The following TRPV4 variants were observed in gnomAD, a reference collection of about 807,000 sequenced individuals.
TRPV4 encodes transient receptor potential cation channel subfamily V member 4.
In TRPV4, 58 loss-of-function variants were observed where a neutral mutation model predicts 84.1. That is an observed-to-expected ratio of 0.69 (90% CI 0.56 to 0.86). TRPV4 has a LOEUF of 0.86. Ranked by LOEUF, TRPV4 falls within the 40% of genes least tolerant of loss-of-function variation. TRPV4 has a pLI of 0.00. For missense variants in TRPV4, 879 were observed against 1,181.1 expected, an observed-to-expected ratio of 0.74 and a Z score of 3.75; for synonymous variants, 489 against 500.9, an observed-to-expected ratio of 0.98 and a Z score of 0.32.
At position 109,783,438 on chromosome 12, in the gene TRPV4, C is replaced by A. The variant is rs978196241; in HGVS notation, c.*183G>T. 10 of 764,548 alleles carry A rather than the reference C, an allele frequency of 1.3e-5. No individual in the cohort carries two copies. The highest frequency in any genetic ancestry group is 2.0e-5 in the Non-Finnish European group (10 of 495,558). 47.4% of individuals were successfully genotyped at this position (764,548 alleles called of 1,614,324 possible). ...GGAGCAAGACAGGTGGCCGGGAGCC[C>A]CCACCCCAGGGTGGGGAGGCAGAGC... On this transcript the variant is annotated 3_prime_UTR_variant, in exon 16 of 16. Coordinates refer to ENST00000261740, the MANE Select transcript of TRPV4 (RefSeq NM_021625.5). This position sits in a 1 kb window ranked among gnomAD's most constrained non-coding sequence, Gnocchi z 4.6.
Position 109,798,797 on chromosome 12 carries a change from TGTGTTGCCTCGCGA to T in TRPV4, c.955_968del (p.Arg320AlafsTer9). 2.5e-6 allele frequency: 4 copies of T among 1,614,210 alleles called. No individual in the cohort carries two copies. The highest frequency in any genetic ancestry group is 3.4e-6 in the Non-Finnish European group (4 of 1,180,042). The stretch of plus-strand genomic sequence containing the variant: ...CAATGGCCACCAGCGCATGCAGCAC[TGTGTTGCCTCGCGA>T]GTCCTGGCGCCGCATGTCCGCCTTC... On this transcript the variant is annotated frameshift_variant, in exon 6 of 16. Coordinates refer to ENST00000261740, the MANE Select transcript of TRPV4 (RefSeq NM_021625.5). LOFTEE classifies it high-confidence loss of function. The surrounding 1 kb of genome is among the most constrained non-coding windows in gnomAD (Gnocchi z 5.0).
At chr12:109,812,576 CAAA>C (rs1297175478) in intron 2 of TRPV4, among the ~76,000 whole-genome samples, 1 of 151,848 alleles carries the variant, frequency 6.6e-6, no homozygotes, top group Admixed American at 6.6e-5. Flanking sequence ...ACTAAGCAAA[CAAA>C]AGAGTGAATG....
At chr12:109,797,886 G>A (rs1158357103) in intron 6 of TRPV4, among the ~76,000 whole-genome samples, 1 of 152,042 alleles carries the variant, frequency 6.6e-6, no homozygotes, top group Non-Finnish European at 1.5e-5. Context: ...CACACCAGAG[G>A]ACACTCTTAT....
chr12:109,807,208 G>A (rs144816007), intron 3 of TRPV4, among the ~76,000 whole-genome samples: 5,363 of 151,110 alleles, frequency 0.035, 110 homozygotes, highest in East Asian at 0.057. Flanking sequence ...CCCAGGAGGC[G>A]GAGGTTGCAG....
intron 1 of TRPV4, chr12:109,832,624 G>T: frequency 6.5e-6 from 1 of 153,116 alleles, no homozygotes. Context: ...AATCCCAATT[G>T]TCTAGATCCC....
Position 109,788,403 on chromosome 12 carries a change from C to A in TRPV4, c.2205G>T (p.Leu735=), listed in dbSNP as rs774319875. The A allele has an allele frequency of 2.5e-6, 4 of 1,613,422 alleles. No individual in the cohort carries two copies. The highest frequency in any genetic ancestry group is 1.1e-5 in the South Asian group (1 of 91,022). ...GCTGGGGGCCCTGGGGCCTCACCTG[C>A]AGCTTCCAGATGTGCTTGCTCTCCT... The part of the protein sequence containing the change: ...VSKESKHIWK[L]QWATTILDIE... The change falls in exon 13 of 16, where the codon CTG becomes CTT. Residue 735 remains leucine (L), a synonymous_variant. Transcript: ENST00000261740.
At position 109,783,652 on chromosome 12, in the gene TRPV4, CG is replaced by C. The variant is rs746597270; in HGVS notation, c.2584del (p.Arg862AlafsTer25). 1.9e-5 allele frequency: 30 copies of C among 1,613,652 alleles called. No homozygotes were observed. Among genetic ancestry groups the C allele is most frequent in the Non-Finnish European group, 2.5e-5 (29 of 1,179,970 alleles). On this transcript the variant is annotated frameshift_variant, in exon 16 of 16. Coordinates refer to ENST00000261740, the MANE Select transcript of TRPV4 (RefSeq NM_021625.5). LOFTEE classifies it high-confidence loss of function. This position sits in a 1 kb window ranked among gnomAD's most constrained non-coding sequence, Gnocchi z 4.6. ...RCDGHQQGYP[R>X]KWRTDDAPL ...CGGGGCGTCATCAGTCCTCCACTTG[CG>C]GGGGTAACCCTGCTGGTGGCCATCG...
intron 5 of TRPV4, among the ~76,000 whole-genome samples, chr12:109,799,874 C>A (rs1890661965): frequency 6.6e-6 from 1 of 152,182 alleles, no homozygotes; most frequent in Non-Finnish European, 1.5e-5. Context: ...GATCCTCCAG[C>A]CTCGGCCTCC....
At chr12:109,784,026 TCG>T in intron 15 of TRPV4, among the ~76,000 whole-genome samples, 1 of 152,262 alleles carries the variant, frequency 6.6e-6, no homozygotes, top group Admixed American at 6.5e-5. Flanking sequence ...CAGCTGCGTC[TCG>T]CGTGCTCATG....
At chr12:109,808,242 G>A (rs976795999) in intron 3 of TRPV4, 54 bp downstream of exon 3, 3 of 1,605,910 alleles carry the variant, frequency 1.9e-6, no homozygotes, top group African/African-American at 1.3e-5. Flanking sequence ...CCAATGCCAG[G>A]CTTCCCCCAC....
In TRPV4 at chr12:109,814,397, C is replaced by T. The variant is rs1327605836; in HGVS notation, c.386+14G>A. On this transcript the variant is annotated intron_variant, in intron 2 of 15. Transcript: ENST00000261740. The surrounding 1 kb of genome is among the most constrained non-coding windows in gnomAD (Gnocchi z 5.4). ...GAGGAGGAGACCACAGGCCAGGAAGCTAACAATACTCACTCTATGATCTTC... is the reference window on the plus strand; with the variant it reads ...GAGGAGGAGACCACAGGCCAGGAAGTTAACAATACTCACTCTATGATCTTC... The T allele has an allele frequency of 7.4e-6, 12 of 1,613,286 alleles. No individual in the cohort carries two copies. Among genetic ancestry groups the T allele is most frequent in the Non-Finnish European group, 1.0e-5 (12 of 1,179,774 alleles).
intron 1 of TRPV4, among the ~76,000 whole-genome samples, chr12:109,821,177 G>C (rs192154494): frequency 6.6e-6 from 1 of 152,272 alleles, no homozygotes; most frequent in African/African-American, 2.4e-5. Flanking sequence ...CAGCGGGGAG[G>C]AATCCAGGGA....
At chr12:109,805,776 A>G (rs1891081650) in intron 3 of TRPV4, among the ~76,000 whole-genome samples, 1 of 152,176 alleles carries the variant, frequency 6.6e-6, no homozygotes, top group Non-Finnish European at 1.5e-5. Flanking sequence ...AATTTCAGAG[A>G]CCCACCTCCA....
intron 1 of TRPV4, among the ~76,000 whole-genome samples, chr12:109,818,821 C>G (rs1891972663): frequency 6.6e-6 from 1 of 152,184 alleles, no homozygotes; most frequent in Admixed American, 6.5e-5. Flanking sequence ...CACACACGTG[C>G]CAGCACTACA....
intron 2 of TRPV4, among the ~76,000 whole-genome samples, chr12:109,811,986 G>A (rs971838729): frequency 1.3e-5 from 2 of 152,174 alleles, no homozygotes; most frequent in African/African-American, 2.4e-5. Flanking sequence ...AGGCTCAGGA[G>A]GAGCTGGCTA....
chr12:109,832,148 G>A (rs1332499055), intron 1 of TRPV4, among the ~76,000 whole-genome samples: 1 of 152,184 alleles, frequency 6.6e-6, no homozygotes, highest in African/African-American at 2.4e-5. Flanking sequence ...GGCTCAGACA[G>A]CTAAGGGACC....
Position 109,814,772 on chromosome 12 carries a change from G to C in TRPV4, c.25C>G (p.Arg9Gly), listed in dbSNP as rs758741868. Residue 9 changes from arginine (R) to glycine (G), a missense_variant, in exon 2 of 16, where the codon CGC becomes GGC. Arg to Gly is a moderately radical substitution (Grantham distance 125). Around this residue, in one of 4 missense-constraint regions of TRPV4, gnomAD observed 107 missense variants for 99.4 expected, o/e 1.08. Coordinates refer to ENST00000261740, the MANE Select transcript of TRPV4 (RefSeq NM_021625.5). This position sits in a 1 kb window ranked among gnomAD's most constrained non-coding sequence, Gnocchi z 5.4. MADSSEGP[R>G]AGPGEVAELP... is the part of the protein sequence containing the mutation. ...TCAGCCACCTCCCCGGGCCCCGCGC[G>C]GGGGCCTTCGCTGGAATCCGCCATG... The C allele has an allele frequency of 1.3e-6, 2 of 1,549,518 alleles. No individual in the cohort carries two copies. The highest frequency in any genetic ancestry group is 1.7e-6 in the Non-Finnish European group (2 of 1,150,310).
rs776017153 is a variant in TRPV4, at chr12:109,783,575, G to A, written c.*46C>T. On this transcript the variant is annotated 3_prime_UTR_variant, in exon 16 of 16. Transcript: ENST00000261740. This position sits in a 1 kb window ranked among gnomAD's most constrained non-coding sequence, Gnocchi z 4.6. Reference sequence around the variant, plus strand: ...CAGAAGGCACTGCTGAAATGCGGCTGGACTAGAAATGAGTGGGCAGAGAAG... The same window carrying A: ...CAGAAGGCACTGCTGAAATGCGGCTAGACTAGAAATGAGTGGGCAGAGAAG... 3.1e-6 allele frequency: 5 copies of A among 1,596,552 alleles called. No individual in the cohort carries two copies. Among genetic ancestry groups the A allele is most frequent in the Non-Finnish European group, 4.3e-6 (5 of 1,169,982 alleles).
intron 3 of TRPV4, among the ~76,000 whole-genome samples, chr12:109,806,311 C>T (rs1891121336): frequency 6.6e-6 from 1 of 151,098 alleles, no homozygotes; most frequent in South Asian, 2.1e-4. Context: ...TCTCCTGGCT[C>T]AGCTTCCTAA....
Sources: gnomAD v4.1 joint callset for allele counts (sites outside exome capture counted in the v4.1 genomes callset) on GRCh38, gnomAD v4.1.1 for gene constraint, gnomAD v4.1.1 regional missense constraint, Gnocchi (gnomAD v3.1) non-coding constraint, MANE v1.5 for transcripts, NCBI Gene and HGNC (gene_info 2026-07-23, HGNC 2026-07-21) for gene names.